Variants in CCDC171 observed in about 807,000 individuals in gnomAD.
The protein encoded by CCDC171 is coiled-coil domain-containing protein 171.
CCDC171 carries 177 observed loss-of-function variants against 168.2 expected under a neutral mutation model. That is an observed-to-expected ratio of 1.05 (90% CI 0.93 to 1.19). CCDC171 has a LOEUF of 1.19. CCDC171 is among the 50% of genes most tolerant of loss of function. The pLI, the probability that CCDC171 is intolerant of heterozygous loss-of-function variation, is 0.00. For missense variants in CCDC171, 1,991 were observed against 1,539.0 expected, an observed-to-expected ratio of 1.29 and a Z score of -4.91; for synonymous variants, 687 against 540.8, an observed-to-expected ratio of 1.27 and a Z score of -3.75.
intron 19 of CCDC171, among the ~76,000 whole-genome samples, chr9:15,778,759 A>G (rs1391126328): frequency 1.3e-5 from 2 of 151,956 alleles, no homozygotes; most frequent in East Asian, 1.9e-4. Flanking sequence ...ATTTTTAGCT[A>G]TCTAGATTAT....
the CCDC171 span, among the ~76,000 whole-genome samples, chr9:16,077,426 G>C: frequency 6.6e-6 from 1 of 152,158 alleles, no homozygotes; most frequent in African/African-American, 2.4e-5. Context: ...ATGACAGGTG[G>C]AGAATACTTC....
rs549276936 is a variant in CCDC171, at chr9:15,888,692, A to G, written c.3600+14029A>G. Among the ~76,000 whole-genome samples, 61 of 152,098 alleles carry G rather than the reference A, an allele frequency of 4.0e-4. 1 individual carries two copies. The highest frequency in any genetic ancestry group is 6.2e-4 in the South Asian group (3 of 4,828). On this transcript the variant is annotated intron_variant, in intron 24 of 25. Transcript: ENST00000380701. ...AATATGACCCTATAGACTTAAGCAT[A>G]TATTGCAACAACTCCGAATGATATA...
rs1384571114 is a variant in CCDC171 at position 15,974,012 on chromosome 9, A to G, written c.*2176A>G. 1 of 152,160 alleles carries G rather than the reference A, an allele frequency of 6.6e-6. No homozygotes were observed. Among genetic ancestry groups the G allele is most frequent in the East Asian group, 1.9e-4 (1 of 5,198 alleles). The allele number at this position is 152,160 out of a possible 1,614,324, so 9.4% of individuals were successfully genotyped here. A position where few individuals can be genotyped will look rare whatever the true frequency, so the allele number is the denominator to read the frequency against. ...ATAATCTGTTAATGGGATAACTCCA[A>G]AAATAAATGTGTATGTGTCTCCATA... On this transcript the variant is annotated 3_prime_UTR_variant, in exon 26 of 26. Transcript: ENST00000380701.
chr9:15,731,526 T>A (rs2054150886), intron 16 of CCDC171, among the ~76,000 whole-genome samples: 1 of 152,158 alleles, frequency 6.6e-6, no homozygotes, highest in Non-Finnish European at 1.5e-5. Context: ...CGTTGTTGTG[T>A]GAATCAGTAC....
chr9:15,671,998 C>T (rs998495407), intron 9 of CCDC171, among the ~76,000 whole-genome samples: 3 of 152,206 alleles, frequency 2.0e-5, no homozygotes, highest in African/African-American at 7.2e-5. Flanking sequence ...TCTCCACATC[C>T]TCTCCAGCAC....
intron 24 of CCDC171, among the ~76,000 whole-genome samples, chr9:15,908,369 G>A (rs1225885945): frequency 6.6e-6 from 1 of 152,158 alleles, no homozygotes; most frequent in Non-Finnish European, 1.5e-5. Flanking sequence ...CATGGATGTA[G>A]CTGGAAACCA....
At chr9:16,094,010 G>T in the CCDC171 span, among the ~76,000 whole-genome samples, 1 of 152,188 alleles carries the variant, frequency 6.6e-6, no homozygotes, top group Non-Finnish European at 1.5e-5. Flanking sequence ...GCCAAACTGG[G>T]CCAATGGATT....
At chr9:16,096,813 A>G in the CCDC171 span, among the ~76,000 whole-genome samples, 1 of 152,084 alleles carries the variant, frequency 6.6e-6, no homozygotes, top group Non-Finnish European at 1.5e-5. Flanking sequence ...AGTGAAACAG[A>G]AGGTAGTTCA....
chr9:15,583,408 C>CAAA (rs753789809), intron 4 of CCDC171, among the ~76,000 whole-genome samples: 4 of 95,786 alleles, frequency 4.2e-5, no homozygotes, highest in East Asian at 2.5e-4. Flanking sequence ...GACTCCATCT[C>CAAA]AAAAAAAAAA....
intron 23 of CCDC171, among the ~76,000 whole-genome samples, chr9:15,853,952 C>G (rs1386231737): frequency 6.7e-6 from 1 of 149,234 alleles, no homozygotes; most frequent in African/African-American, 2.4e-5. Context: ...ATAAATCTCA[C>G]TTGGTTATGG....
At chr9:15,932,338 G>A (rs1429505476) in intron 25 of CCDC171, among the ~76,000 whole-genome samples, 1 of 151,600 alleles carries the variant, frequency 6.6e-6, no homozygotes, top group Non-Finnish European at 1.5e-5. Flanking sequence ...CTTTGGTTAC[G>A]TTGCTTCATA....
At chr9:15,823,267 A>T (rs184574505) in intron 21 of CCDC171, among the ~76,000 whole-genome samples, 6 of 152,282 alleles carry the variant, frequency 3.9e-5, no homozygotes, top group Admixed American at 3.9e-4. Flanking sequence ...TGGCACATGT[A>T]TACGTATGTA....
intron 8 of CCDC171, among the ~76,000 whole-genome samples, chr9:15,662,280 C>T (rs532431186): frequency 3.3e-5 from 5 of 150,312 alleles, no homozygotes; most frequent in African/African-American, 1.2e-4. Flanking sequence ...CTGTCCCCAT[C>T]CCCCCTCCCC....
At chr9:15,882,629 G>A (rs548326574) in intron 24 of CCDC171, among the ~76,000 whole-genome samples, 9 of 152,232 alleles carry the variant, frequency 5.9e-5, no homozygotes, top group East Asian at 1.9e-4. Context: ...AGTATAAATA[G>A]CATTTAAACG....
intron 25 of CCDC171, among the ~76,000 whole-genome samples, chr9:15,944,835 T>TC (rs200751108): frequency 1.3e-4 from 4 of 29,910 alleles, no homozygotes; most frequent in South Asian, 2.6e-3. Flanking sequence ...TTTTCTTTCT[T>TC]TTTTCTTTCT....
chr9:16,106,742 T>C, the CCDC171 span, among the ~76,000 whole-genome samples: 2 of 152,270 alleles, frequency 1.3e-5, no homozygotes, highest in South Asian at 4.1e-4. Context: ...CATTAGAATA[T>C]GGTAAAATAT....
intron 10 of CCDC171, among the ~76,000 whole-genome samples, chr9:15,681,675 C>CT (rs2050051203): frequency 6.6e-6 from 1 of 151,706 alleles, no homozygotes; most frequent in South Asian, 2.1e-4. Context: ...GATTAGTGGC[C>CT]TTTGGGGGAA....
intron 25 of CCDC171, among the ~76,000 whole-genome samples, chr9:15,959,612 G>A (rs561248645): frequency 6.3e-4 from 96 of 152,044 alleles, no homozygotes; most frequent in Non-Finnish European, 9.7e-4. Flanking sequence ...TACTCCAAGC[G>A]CAGACTGCAT....
At chr9:15,995,967 T>G (rs534809343) in intron 3 of CCDC171, among the ~76,000 whole-genome samples, 3 of 152,336 alleles carry the variant, frequency 2.0e-5, no homozygotes, top group South Asian at 4.1e-4. Context: ...TGTTTATCAC[T>G]TTCAGCATAA....
Sources: gnomAD v4.1 joint callset for allele counts (sites outside exome capture counted in the v4.1 genomes callset) on GRCh38, gnomAD v4.1.1 for gene constraint, MANE v1.5 for transcripts, NCBI Gene and HGNC (gene_info 2026-07-23, HGNC 2026-07-21) for gene names.